NSFL1C: variants seen among roughly 807,000 people sequenced by gnomAD.
The protein encoded by NSFL1C is NSFL1 cofactor p47.
NSFL1C carries 14 observed loss-of-function variants against 43.1 expected under a neutral mutation model. That is an observed-to-expected ratio of 0.32 (90% CI 0.21 to 0.51). The LOEUF (loss-of-function observed/expected upper bound fraction) is 0.51, where lower values mean the gene tolerates loss of function less well. Among genes scored for constraint, NSFL1C ranks in the 20% least tolerant of loss-of-function variants. The probability of loss-of-function intolerance (pLI) is 0.98; values close to 1 mark genes in which losing one functional copy is unlikely to be tolerated. For synonymous variants in NSFL1C, 171 were observed against 183.5 expected, an observed-to-expected ratio of 0.93 and a Z score of 0.55; for missense variants, 406 against 472.5, an observed-to-expected ratio of 0.86 and a Z score of 1.30.
Position 1,444,026 on chromosome 20 carries a change from G to A in NSFL1C, c.951-115C>T, listed in dbSNP as rs1284598841. On this transcript the variant is annotated intron_variant, in intron 8 of 8. Coordinates refer to ENST00000216879, the MANE Select transcript of NSFL1C (RefSeq NM_016143.5). ...TTCCTGACTTTCTCCACAGAACAGC[G>A]AAAGCTACGCTCAGGCATGTGGGAC... 1.1e-5 allele frequency: 13 copies of A among 1,148,192 alleles called. No individual in the cohort carries two copies. The Admixed American group carries it at 2.0e-4, about 18-fold the overall frequency. The allele number at this position is 1,148,192 out of a possible 1,614,324, so 71.1% of individuals were successfully genotyped here.
At chr20:1,447,159 T>C (rs2090076444) in intron 7 of NSFL1C, among the ~76,000 whole-genome samples, 1 of 152,216 alleles carries the variant, frequency 6.6e-6, no homozygotes, top group African/African-American at 2.4e-5. Flanking sequence ...CCCACATTAC[T>C]AGCACTAGAG....
Position 1,443,644 on chromosome 20 carries a change from C to G in NSFL1C, c.*105G>C, listed in dbSNP as rs1382236285. 8.4e-7 allele frequency: 1 copy of G among 1,192,832 alleles called. No homozygotes were observed. Among genetic ancestry groups the G allele is most frequent in the African/African-American group, 1.5e-5 (1 of 66,454 alleles). 73.9% of individuals were successfully genotyped at this position (1,192,832 alleles called of 1,614,324 possible). A position where few individuals can be genotyped will look rare whatever the true frequency, so the allele number is the denominator to read the frequency against. On this transcript the variant is annotated 3_prime_UTR_variant, in exon 9 of 9. Transcript: ENST00000216879. ...CCAGAGCTATGGAGGAGACGTTGCA[C>G]TGGACTGCTGGGTGTGCACAAGGGG...
At position 1,442,629 on chromosome 20, in the gene NSFL1C, G is replaced by C. The variant is rs1568608150; in HGVS notation, c.*1120C>G. Reference sequence around the variant, plus strand: ...ATCAAACTTATAGGGGTGGTGGAGGGTCTTTACCAGGCTAGGACTACTGCC... The same window carrying C: ...ATCAAACTTATAGGGGTGGTGGAGGCTCTTTACCAGGCTAGGACTACTGCC... On this transcript the variant is annotated 3_prime_UTR_variant, in exon 9 of 9. Coordinates refer to ENST00000216879, the MANE Select transcript of NSFL1C (RefSeq NM_016143.5). 3 of 152,206 alleles carry C rather than the reference G, an allele frequency of 2.0e-5. No individual in the cohort carries two copies. The highest frequency in any genetic ancestry group is 7.2e-5 in the African/African-American group (3 of 41,426). The allele number at this position is 152,206 out of a possible 1,614,324, so 9.4% of individuals were successfully genotyped here. A position where few individuals can be genotyped will look rare whatever the true frequency, so the allele number is the denominator to read the frequency against.
At chr20:1,461,119 C>T (rs1183068072) in intron 2 of NSFL1C, among the ~76,000 whole-genome samples, 1 of 152,198 alleles carries the variant, frequency 6.6e-6, no homozygotes, top group Admixed American at 6.5e-5. Context: ...GAAGAGAACA[C>T]AGGTGAGAAA....
rs376293006 is a variant in NSFL1C at position 1,458,272 on chromosome 20, T to C, written c.206A>G (p.Asp69Gly). 6.2e-6 allele frequency: 10 copies of C among 1,613,244 alleles called. No homozygotes were observed. In the African/African-American group the frequency reaches 1.3e-4, roughly 22 times the overall value. Residue 69 changes from aspartate to glycine, a missense_variant and splice_region_variant, in exon 3 of 9, where the codon GAT becomes GGT. Asp to Gly is a moderately conservative substitution (Grantham distance 94, BLOSUM62 -1). Around this residue, in one of 3 missense-constraint regions of NSFL1C, gnomAD observed 203 missense variants for 216.3 expected, o/e 0.94. Transcript: ENST00000216879. ...GTCTCTGAAGGATGTCACTCTATTATCACTGGAGACACAGAAAGGAGCAAA... is the reference window on the plus strand; with the variant it reads ...GTCTCTGAAGGATGTCACTCTATTACCACTGGAGACACAGAAAGGAGCAAA... Reference protein sequence around the residue: ...SSVSRGTAPSDNRVTSFRDLI... With the variant: ...SSVSRGTAPSGNRVTSFRDLI...
At chr20:1,447,490 T>C (rs568754385) in intron 7 of NSFL1C, among the ~76,000 whole-genome samples, 53 of 152,112 alleles carry the variant, frequency 3.5e-4, no homozygotes, top group Middle Eastern at 3.4e-3. Flanking sequence ...CAGTGTATTT[T>C]ATGTGTGGCC....
At chr20:1,451,595 G>A (rs2122861654) in intron 7 of NSFL1C, among the ~76,000 whole-genome samples, 1 of 152,276 alleles carries the variant, frequency 6.6e-6, no homozygotes, top group Admixed American at 6.5e-5. Context: ...GGCAAGGAGG[G>A]TCACTATGCT....
chr20:1,464,141 C>G lies in NSFL1C; in HGVS notation c.203+188G>C, dbSNP rs1162287667. 7.3e-6 allele frequency: 4 copies of G among 550,762 alleles called. No homozygotes were observed. In the African/African-American group the frequency reaches 7.6e-5, roughly 10 times the overall value. 34.1% of individuals were successfully genotyped at this position (550,762 alleles called of 1,614,324 possible). A position where few individuals can be genotyped will look rare whatever the true frequency, so the allele number is the denominator to read the frequency against. On this transcript the variant is annotated intron_variant, in intron 2 of 8. Coordinates refer to ENST00000216879, the MANE Select transcript of NSFL1C (RefSeq NM_016143.5). The stretch of plus-strand genomic sequence containing the variant: ...CCAGGATTGAACCATAAACCACACC[C>G]AGTTAAAAGTCATGCATCTCTGTAT...
At position 1,442,442 on chromosome 20, in the gene NSFL1C, G is replaced by A. The variant is rs1316584613; in HGVS notation, c.*1307C>T. On this transcript the variant is annotated 3_prime_UTR_variant, in exon 9 of 9. Coordinates refer to ENST00000216879, the MANE Select transcript of NSFL1C (RefSeq NM_016143.5). Reference sequence around the variant, plus strand: ...CATTGCAGGGGTGAAGCAGGAAAGAGAAAGAGACTGGTGAGGCCTGCTTGG... The same window carrying A: ...CATTGCAGGGGTGAAGCAGGAAAGAAAAAGAGACTGGTGAGGCCTGCTTGG... 6.6e-6 allele frequency: 1 copy of A among 152,272 alleles called. No homozygotes were observed. Among genetic ancestry groups the A allele is most frequent in the Non-Finnish European group, 1.5e-5 (1 of 68,082 alleles). 9.4% of individuals were successfully genotyped at this position (152,272 alleles called of 1,614,324 possible).
chr20:1,460,609 A>C (rs1455896493), intron 2 of NSFL1C, among the ~76,000 whole-genome samples: 1 of 152,232 alleles, frequency 6.6e-6, no homozygotes, highest in African/African-American at 2.4e-5. Flanking sequence ...CTCCTTCATC[A>C]GATGACATTT....
chr20:1,459,274 C>A (rs1431401573), intron 2 of NSFL1C, among the ~76,000 whole-genome samples: 2 of 152,134 alleles, frequency 1.3e-5, no homozygotes, highest in Non-Finnish European at 2.9e-5. Context: ...AGTGAGTGAG[C>A]TCTCACAAGA....
chr20:1,451,517 T>C (rs2090180707), intron 7 of NSFL1C, among the ~76,000 whole-genome samples: 2 of 152,178 alleles, frequency 1.3e-5, no homozygotes, highest in South Asian at 2.1e-4. Context: ...ACACCAGCCA[T>C]GTGCCCAAGG....
intron 7 of NSFL1C, 145 bp downstream of exon 7, chr20:1,452,348 C>T (rs1314437326): frequency 8.9e-7 from 1 of 1,119,590 alleles, no homozygotes; most frequent in Non-Finnish European, 1.3e-6. Context: ...TCCATGTTCT[C>T]CACACTCTTC....
At chr20:1,461,884 G>A (rs776303481) in intron 2 of NSFL1C, among the ~76,000 whole-genome samples, 3 of 152,106 alleles carry the variant, frequency 2.0e-5, no homozygotes, top group Non-Finnish European at 2.9e-5. Flanking sequence ...TCAATAAATG[G>A]CAGCTGTTAT....
chr20:1,446,679 G>A (rs2090066177), intron 7 of NSFL1C, among the ~76,000 whole-genome samples: 1 of 150,598 alleles, frequency 6.6e-6, no homozygotes, highest in Non-Finnish European at 1.5e-5. Context: ...AACACAAAAT[G>A]CACATAGGAC....
At chr20:1,452,429 A>T (rs781680742) in intron 7 of NSFL1C, 64 bp downstream of exon 7, 89 of 1,581,182 alleles carry the variant, frequency 5.6e-5, no homozygotes, top group Middle Eastern at 1.7e-4. Flanking sequence ...AGTGATACAC[A>T]GGGTCTGCTG....
rs1294982535 is a variant in NSFL1C at position 1,443,767 on chromosome 20, G to A, written c.1095C>T (p.Ile365=). 7 of 1,614,074 alleles carry A rather than the reference G, an allele frequency of 4.3e-6. No homozygotes were observed. Among genetic ancestry groups the A allele is most frequent in the East Asian group, 2.2e-5 (1 of 44,896 alleles). Residue 365 remains isoleucine, a synonymous_variant, in exon 9 of 9, where the codon ATC becomes ATT. Coordinates refer to ENST00000216879, the MANE Select transcript of NSFL1C (RefSeq NM_016143.5). ...LKEANLLNAV[I]VQRLT ...TGGGCGGTTATGTTAACCGCTGCAC[G>A]ATGACAGCATTGAGCAGGTTGGCTT...
chr20:1,454,406 G>T, intron 4 of NSFL1C, 101 bp from the exon 5 acceptor site: 1 of 832,756 alleles, frequency 1.2e-6, no homozygotes, highest in East Asian at 2.6e-5. Context: ...GAAGAAAGAG[G>T]ACAGGGTTCC....
intron 2 of NSFL1C, among the ~76,000 whole-genome samples, chr20:1,460,702 C>T (rs753328314): frequency 6.6e-6 from 1 of 152,218 alleles, no homozygotes; most frequent in Non-Finnish European, 1.5e-5. Flanking sequence ...AGAGAAGCCA[C>T]TAGCCACATT....
Sources: gnomAD v4.1 joint callset for allele counts (sites outside exome capture counted in the v4.1 genomes callset) on GRCh38, gnomAD v4.1.1 for gene constraint, gnomAD v4.1.1 regional missense constraint, MANE v1.5 for transcripts, NCBI Gene and HGNC (gene_info 2026-07-23, HGNC 2026-07-21) for gene names.